The following RAD54L variants were observed in gnomAD, a reference collection of about 807,000 sequenced individuals.
RAD54L encodes the protein RAD54 like.
In RAD54L, 74 loss-of-function variants were observed where a neutral mutation model predicts 91.6. The ratio of observed to expected loss-of-function variants is 0.81; its 90% CI spans 0.67 to 0.98. The LOEUF is 0.98. Ranked by LOEUF, RAD54L falls within the 50% of genes least tolerant of loss-of-function variation. The probability of loss-of-function intolerance (pLI) is 0.00; values close to 1 mark genes in which losing one functional copy is unlikely to be tolerated. For missense variants in RAD54L, 887 were observed against 945.7 expected (o/e 0.94, Z 0.81); for synonymous variants, 304 against 349.7 (o/e 0.87, Z 1.46).
At position 46,248,063 on chromosome 1, in the gene RAD54L, C is replaced by T. The variant is rs1380749666; in HGVS notation, c.-343C>T. The T allele has an allele frequency of 1.6e-5, 5 of 307,056 alleles. No individual in the cohort carries two copies. In the Admixed American group the frequency reaches 2.1e-4, roughly 13 times the overall value. 19.0% of individuals were successfully genotyped at this position (307,056 alleles called of 1,614,324 possible). On this transcript the variant is annotated 5_prime_UTR_variant, in exon 1 of 18. Coordinates refer to ENST00000371975, the MANE Select transcript of RAD54L (RefSeq NM_003579.4). ...ACCCCGCCCCGCCGCGCAACTACCT[C>T]CTCCCTTCACCCGGACTGGGACCAT...
rs1004113451 is a variant in RAD54L, at chr1:46,263,578, T to A, written c.891+2193T>A. The stretch of plus-strand genomic sequence containing the variant: ...TTGTGAGCTATTTTCTGGTCAGTCA[T>A]TGGCGGGTCTTCAAACTCCCAACTT... On this transcript the variant is annotated intron_variant, in intron 8 of 17. Coordinates refer to ENST00000371975, the MANE Select transcript of RAD54L (RefSeq NM_003579.4). The surrounding 1 kb of genome is among the most constrained non-coding windows in gnomAD (Gnocchi z 4.3). 6.6e-6 allele frequency among the ~76,000 whole-genome samples: 1 copy of A among 152,100 alleles called. No homozygotes were observed.
Position 46,278,229 on chromosome 1 carries a change from A to G in RAD54L, c.2191A>G (p.Ile731Val), listed in dbSNP as rs756034556. 1.2e-6 allele frequency: 2 copies of G among 1,613,960 alleles called. No individual in the cohort carries two copies. The highest frequency in any genetic ancestry group is 2.2e-5 in the East Asian group (1 of 44,870). Residue 731 changes from isoleucine (I) to valine (V), a missense_variant, in exon 18 of 18, where the codon ATC becomes GTC. Ile to Val is a conservative substitution (Grantham distance 29). Transcript: ENST00000371975. ...TGCCTGGGATGCTGCCTCCACTGCC[A>G]TCACCTTCGTCTTCCACCAGCGTTC... ...QAAWDAASTAITFVFHQRSHE... is the reference protein window; with the variant it reads ...QAAWDAASTAVTFVFHQRSHE...
chr1:46,269,194 T>C (rs1660351220), intron 9 of RAD54L, among the ~76,000 whole-genome samples: 1 of 152,254 alleles, frequency 6.6e-6, no homozygotes, highest in Non-Finnish European at 1.5e-5. Context: ...GCTCTATTTA[T>C]GGACTCTATT....
intron 9 of RAD54L, among the ~76,000 whole-genome samples, chr1:46,268,625 A>G (rs1660332340): frequency 6.6e-6 from 1 of 152,236 alleles, no homozygotes. Context: ...TGTTAATGAA[A>G]TCATATAGTA....
In RAD54L at chr1:46,263,294, T is replaced by C. The variant is rs1660180240; in HGVS notation, c.891+1909T>C. Among the ~76,000 whole-genome samples, 2 of 152,126 alleles carry C rather than the reference T, an allele frequency of 1.3e-5. No homozygotes were observed. Among genetic ancestry groups the C allele is most frequent in the South Asian group, 4.1e-4 (2 of 4,826 alleles). On this transcript the variant is annotated intron_variant, in intron 8 of 17. Transcript: ENST00000371975. This position sits in a 1 kb window ranked among gnomAD's most constrained non-coding sequence, Gnocchi z 4.3. ...GAGGGTGGCTGGGAGCTTCCTACTA[T>C]AGAGAATTTCCCAGGACTTCCCAGT...
rs1368741497 is a variant in RAD54L at position 46,270,655 on chromosome 1, T to C, written c.1043-4T>C. Reference sequence around the variant, plus strand: ...CTTCTGTTTTCCTTCTCTCCTGTGTTTAGGGACTGCCCATGAATTCAAGAA... The same window carrying C: ...CTTCTGTTTTCCTTCTCTCCTGTGTCTAGGGACTGCCCATGAATTCAAGAA... On this transcript the variant is annotated splice_polypyrimidine_tract_variant and splice_region_variant and intron_variant, in intron 9 of 17. Coordinates refer to ENST00000371975, the MANE Select transcript of RAD54L (RefSeq NM_003579.4). 6.2e-7 allele frequency: 1 copy of C among 1,612,296 alleles called. No homozygotes were observed. Among genetic ancestry groups the C allele is most frequent in the African/African-American group, 1.3e-5 (1 of 74,908 alleles).
intron 16 of RAD54L, among the ~76,000 whole-genome samples, chr1:46,277,295 G>A (rs1660637680): frequency 6.6e-6 from 1 of 152,206 alleles, no homozygotes; most frequent in Non-Finnish European, 1.5e-5. Context: ...CAAGGATAGA[G>A]TTTCAAGTTT....
Position 46,265,113 on chromosome 1 carries a change from T to G in RAD54L, c.892-2346T>G, listed in dbSNP as rs1457621002. On this transcript the variant is annotated intron_variant, in intron 8 of 17. Transcript: ENST00000371975. The surrounding 1 kb of genome is among the most constrained non-coding windows in gnomAD (Gnocchi z 4.8). ...ATTTCCTCTGACTTTCAAGTCTCAT[T>G]TCCCTCTTCAGTTCAGAAGTCTAAG... 4.6e-5 allele frequency among the ~76,000 whole-genome samples: 7 copies of G among 152,182 alleles called. No individual in the cohort carries two copies. Among genetic ancestry groups the G allele is most frequent in the Admixed American group, 3.3e-4 (5 of 15,272 alleles).
rs748707072 is a variant in RAD54L, at chr1:46,274,557, T to G, written c.1709T>G (p.Met570Arg). 5.0e-6 allele frequency: 8 copies of G among 1,613,144 alleles called. No individual in the cohort carries two copies. The highest frequency in any genetic ancestry group is 5.9e-6 in the Non-Finnish European group (7 of 1,180,028). ...TTCCAGAGCCCTGACTTTGTCTTCA[T>G]GCTGAGCAGCAAAGCTGGGGGCTGT... ...NSPSSPDFVF[M>R]LSSKAGGCGL... Residue 570 changes from methionine to arginine, a missense_variant, in exon 16 of 18, where the codon ATG (methionine) becomes AGG (arginine). Transcript: ENST00000371975.
rs762268075 is a variant in RAD54L at position 46,272,803 on chromosome 1, G to C, written c.1375+1G>C. On this transcript the variant is annotated splice_donor_variant, in intron 12 of 17. Transcript: ENST00000371975. LOFTEE classifies it high-confidence loss of function. ...ACCTCGCTAAAGAAGCTTTGTAATC[G>C]TGAGTTGGGCTTGTGTCCTGGTGTC... is the stretch of plus-strand genomic sequence containing the variant. 2 of 1,614,052 alleles carry C rather than the reference G, an allele frequency of 1.2e-6. No homozygotes were observed. The highest frequency in any genetic ancestry group is 3.3e-5 in the Admixed American group (2 of 60,012).
intron 16 of RAD54L, among the ~76,000 whole-genome samples, chr1:46,276,139 T>C (rs186095963): frequency 6.6e-6 from 1 of 152,282 alleles, no homozygotes; most frequent in East Asian, 1.9e-4. Flanking sequence ...ATGAGCACTT[T>C]AGAAGTATCA....
chr1:46,251,293 CAAGAGTGA>C (rs1378582907), intron 3 of RAD54L, among the ~76,000 whole-genome samples: 1 of 152,080 alleles, frequency 6.6e-6, no homozygotes, highest in Non-Finnish European at 1.5e-5. Flanking sequence ...GCCTGGGCGA[CAAGAGTGA>C]AAATCCGTCC....
At chr1:46,271,679 GGAA>G (rs1286612657) in intron 10 of RAD54L, among the ~76,000 whole-genome samples, 2 of 152,128 alleles carry the variant, frequency 1.3e-5, no homozygotes, top group Non-Finnish European at 2.9e-5. Context: ...TTAGATGGCA[GGAA>G]GAAGAATTGG....
In RAD54L at chr1:46,274,231, C is replaced by G. The variant is rs1265317644; in HGVS notation, c.1689+15C>G. 1 of 1,596,016 alleles carries G rather than the reference C, an allele frequency of 6.3e-7. No individual in the cohort carries two copies. Among genetic ancestry groups the G allele is most frequent in the Non-Finnish European group, 8.6e-7 (1 of 1,163,748 alleles). On this transcript the variant is annotated intron_variant, in intron 15 of 17. Transcript: ENST00000371975. ...ATAGTCCATCGGTAAATGCACATCC[C>G]CGTCCCCACACCACCAATGCAGTAT...
intron 4 of RAD54L, among the ~76,000 whole-genome samples, 199 bp downstream of exon 4, chr1:46,258,945 C>G (rs377088713): frequency 1.3e-5 from 2 of 152,148 alleles, no homozygotes; most frequent in African/African-American, 4.8e-5. Context: ...ACTAACTGCC[C>G]CTCATCTTCT....
At chr1:46,254,029 C>T (rs1037828760) in intron 3 of RAD54L, among the ~76,000 whole-genome samples, 11 of 151,798 alleles carry the variant, frequency 7.2e-5, no homozygotes, top group East Asian at 3.9e-4. Context: ...GAATGGAGTG[C>T]GGTGGCGTGA....
intron 12 of RAD54L, 55 bp downstream of exon 12, chr1:46,272,857 G>A (rs1333847643): frequency 1.2e-6 from 2 of 1,608,588 alleles, no homozygotes; most frequent in Non-Finnish European, 1.7e-6. Flanking sequence ...GGGAGGGTAG[G>A]TTCCTGTAGT....
chr1:46,269,290 GT>G (rs1660354507), intron 9 of RAD54L, among the ~76,000 whole-genome samples: 1 of 150,776 alleles, frequency 6.6e-6, no homozygotes, highest in Non-Finnish European at 1.5e-5. Context: ...ATCCATTAGT[GT>G]GAATATTCCA....
chr1:46,261,775 C>T (rs1406559557), intron 8 of RAD54L, among the ~76,000 whole-genome samples: 1 of 152,170 alleles, frequency 6.6e-6, no homozygotes, highest in Non-Finnish European at 1.5e-5. Context: ...AAAAGAGACA[C>T]AAGCCAAAGT....
Sources: gnomAD v4.1 joint callset for allele counts (sites outside exome capture counted in the v4.1 genomes callset) on GRCh38, gnomAD v4.1.1 for gene constraint, Gnocchi (gnomAD v3.1) non-coding constraint, MANE v1.5 for transcripts, NCBI Gene and HGNC (gene_info 2026-07-23, HGNC 2026-07-21) for gene names.